Variants in ARHGAP10 observed in about 807,000 individuals in gnomAD.
ARHGAP10 encodes the protein rho GTPase-activating protein 10.
Under a neutral mutation model 108.6 loss-of-function variants are expected in ARHGAP10, and 87 were observed. The ratio of observed to expected loss-of-function variants is 0.80; its 90% confidence interval spans 0.67 to 0.96. ARHGAP10 has a LOEUF of 0.96. Among genes scored for constraint, ARHGAP10 ranks in the 40% least tolerant of loss-of-function variants. The pLI is 0.00. For synonymous variants in ARHGAP10, 347 were observed against 341.1 expected (o/e 1.02, Z -0.19); for missense variants, 939 against 954.5 (o/e 0.98, Z 0.21).
intron 1 of ARHGAP10, among the ~76,000 whole-genome samples, chr4:147,814,336 A>C (rs748209100): frequency 2.6e-5 from 4 of 152,192 alleles, no homozygotes; most frequent in Middle Eastern, 3.4e-3. Context: ...AGGAAAATAA[A>C]TATTAAAGAA....
chr4:147,826,033 G>A (rs193135868), intron 3 of ARHGAP10, among the ~76,000 whole-genome samples: 64 of 152,318 alleles, frequency 4.2e-4, no homozygotes, highest in Non-Finnish European at 7.9e-4. Context: ...CAGGTGGGGC[G>A]GGGCTACAGC....
intron 1 of ARHGAP10, among the ~76,000 whole-genome samples, chr4:147,778,933 C>T (rs569090800): frequency 6.6e-6 from 1 of 152,044 alleles, no homozygotes; most frequent in South Asian, 2.1e-4. Flanking sequence ...AGGTAGGTGG[C>T]GGGGAGGAAG....
chr4:147,864,639 T>G (rs1243889231), intron 5 of ARHGAP10: 1 of 487,444 alleles, frequency 2.1e-6, no homozygotes, highest in African/African-American at 2.0e-5. Context: ...AAAGTTCCTG[T>G]TGCACCTGCT....
chr4:147,734,375 A>G (rs951884797), intron 1 of ARHGAP10, among the ~76,000 whole-genome samples: 4 of 152,196 alleles, frequency 2.6e-5, no homozygotes, highest in Admixed American at 2.6e-4. Context: ...GTGAATTAGT[A>G]TCTTACTCAT....
chr4:147,992,453 C>T lies in ARHGAP10; in HGVS notation c.1716+25614C>T, dbSNP rs188071417. On this transcript the variant is annotated intron_variant, in intron 18 of 22. Coordinates refer to ENST00000336498, the MANE Select transcript of ARHGAP10 (RefSeq NM_024605.4). ...GGAGGAGTCTCGCTCTGTTGCCCAG[C>T]GTGGAGTGCAATGGCGCTATCTCCG... Among the ~76,000 whole-genome samples the T allele has an allele frequency of 1.6e-3, 249 of 152,208 alleles. 1 individual carries two copies. The highest frequency in any genetic ancestry group is 5.3e-3 in the African/African-American group (219 of 41,538).
At chr4:148,068,760 T>C (rs1730017907) in intron 22 of ARHGAP10, among the ~76,000 whole-genome samples, 1 of 152,192 alleles carries the variant, frequency 6.6e-6, no homozygotes, top group Non-Finnish European at 1.5e-5. Flanking sequence ...AAGTTGAGTG[T>C]GGGTTCCTGG....
intron 10 of ARHGAP10, among the ~76,000 whole-genome samples, chr4:147,897,447 C>T (rs1453986731): frequency 6.6e-6 from 1 of 151,970 alleles, no homozygotes; most frequent in Non-Finnish European, 1.5e-5. Context: ...AATCTGCCAT[C>T]TTGATTTTGA....
chr4:147,886,418 C>T (rs920413876), intron 10 of ARHGAP10, among the ~76,000 whole-genome samples: 2 of 152,174 alleles, frequency 1.3e-5, no homozygotes, highest in East Asian at 1.9e-4. Context: ...TGCAGTCCTC[C>T]GCAATCCTGA....
rs139864323 is a variant in ARHGAP10, at chr4:148,018,524, TC to T, written c.1717-4738del. On this transcript the variant is annotated intron_variant, in intron 18 of 22. Transcript: ENST00000336498. ...GATCTAAAAACAGTGTCCCTTTAAG[TC>T]ATTCCTGGTGTTTCAGAGAGACCAT... is the stretch of plus-strand genomic sequence containing the variant. Among the ~76,000 whole-genome samples, 1,318 of 151,102 alleles carry T rather than the reference TC, an allele frequency of 8.7e-3. 17 individuals are homozygous for T. Among genetic ancestry groups the T allele is most frequent in the African/African-American group, 0.03 (1,221 of 41,060 alleles).
chr4:148,039,368 A>ATTTTTTTTTTTTTTTTTT (rs34876546), intron 19 of ARHGAP10, among the ~76,000 whole-genome samples: 19 of 73,090 alleles, frequency 2.6e-4, no homozygotes, highest in East Asian at 8.9e-4. Flanking sequence ...TACTACTTCA[A>ATTTTTTTTTTTTTTTTTT]TTTTTTTTTT....
chr4:148,047,968 G>T (rs1332919193), intron 20 of ARHGAP10, among the ~76,000 whole-genome samples: 1 of 152,058 alleles, frequency 6.6e-6, no homozygotes, highest in African/African-American at 2.4e-5. Flanking sequence ...GATTACAGGT[G>T]TCTGCCACCA....
At chr4:147,999,821 C>G (rs1333665804) in intron 18 of ARHGAP10, among the ~76,000 whole-genome samples, 1 of 152,144 alleles carries the variant, frequency 6.6e-6, no homozygotes, top group East Asian at 1.9e-4. Flanking sequence ...CCCTGCCCCC[C>G]TCGTTTACAA....
intron 10 of ARHGAP10, among the ~76,000 whole-genome samples, chr4:147,889,187 C>T (rs1469967934): frequency 1.3e-5 from 2 of 152,230 alleles, no homozygotes; most frequent in Admixed American, 6.5e-5. Context: ...CACCGCTATA[C>T]TGTGAGCTCT....
chr4:147,997,229 TC>T (rs1360953695), intron 18 of ARHGAP10, among the ~76,000 whole-genome samples: 1 of 152,220 alleles, frequency 6.6e-6, no homozygotes, highest in African/African-American at 2.4e-5. Context: ...CAGTGTGGAA[TC>T]TACAAACGTA....
chr4:147,980,604 G>T (rs1048586375), intron 18 of ARHGAP10, among the ~76,000 whole-genome samples: 1 of 152,170 alleles, frequency 6.6e-6, no homozygotes, highest in Non-Finnish European at 1.5e-5. Context: ...GTTCCAGTAG[G>T]ATTGGTACCA....
chr4:147,824,445 C>G (rs142271839), intron 3 of ARHGAP10, among the ~76,000 whole-genome samples: 9 of 152,140 alleles, frequency 5.9e-5, no homozygotes, highest in African/African-American at 1.7e-4. Context: ...GACATATTAG[C>G]TAAGTTGGTT....
chr4:147,878,774 C>CTTTTTTT (rs11384854), intron 8 of ARHGAP10, among the ~76,000 whole-genome samples: 2 of 124,874 alleles, frequency 1.6e-5, no homozygotes, highest in African/African-American at 3.2e-5. Context: ...CCTTCTTCCT[C>CTTTTTTT]TTTTTTTTTT....
chr4:147,999,338 C>T (rs922081222), intron 18 of ARHGAP10, among the ~76,000 whole-genome samples: 1 of 152,240 alleles, frequency 6.6e-6, no homozygotes, highest in Admixed American at 6.5e-5. Context: ...TTTGGGTACC[C>T]TCCCTTTGTG....
chr4:147,751,567 T>C (rs1292945667), intron 1 of ARHGAP10, among the ~76,000 whole-genome samples: 2 of 151,922 alleles, frequency 1.3e-5, no homozygotes, highest in Non-Finnish European at 1.5e-5. Context: ...GGTTTCACCA[T>C]GTTGGCCAGG....
Sources: allele counts gnomAD v4.1 joint callset (sites outside exome capture counted in the v4.1 genomes callset), GRCh38; gene constraint gnomAD v4.1.1; transcripts MANE v1.5; gene names NCBI Gene and HGNC (gene_info 2026-07-23, HGNC 2026-07-21).